The following ATP2B2 variants were observed in gnomAD, a reference collection of about 807,000 sequenced individuals.
The protein encoded by ATP2B2 is ATPase plasma membrane Ca2+ transporting 2.
Under a neutral mutation model 120.0 loss-of-function variants are expected in ATP2B2, and 15 were observed. The observed-to-expected ratio is 0.12, with a 90% CI of 0.08 to 0.19. ATP2B2 has a LOEUF of 0.19. Ranked by LOEUF, ATP2B2 falls within the 10% of genes least tolerant of loss-of-function variation. The pLI, the probability that ATP2B2 is intolerant of heterozygous loss-of-function variation, is 1.00. For synonymous variants in ATP2B2, 694 were observed against 700.3 expected, an observed-to-expected ratio of 0.99 and a Z score of 0.14; for missense variants, 1,045 against 1,719.8, an observed-to-expected ratio of 0.61 and a Z score of 6.94.
intron 2 of ATP2B2, among the ~76,000 whole-genome samples, chr3:10,550,525 A>C (rs1018668947): frequency 6.6e-6 from 1 of 152,182 alleles, no homozygotes; most frequent in Non-Finnish European, 1.5e-5. Flanking sequence ...TTTTTTAAAA[A>C]GGTCTAGTGC....
chr3:10,372,243 C>T (rs2061265830), intron 11 of ATP2B2, among the ~76,000 whole-genome samples, 192 bp from the exon 12 acceptor site: 1 of 152,144 alleles, frequency 6.6e-6, no homozygotes, highest in Admixed American at 6.5e-5. Context: ...CTGCGCGTGG[C>T]CCTTTCCTTT....
chr3:10,381,033 T>C (rs73131235), intron 8 of ATP2B2, among the ~76,000 whole-genome samples: 1,732 of 152,324 alleles, frequency 0.011, 37 homozygotes, highest in African/African-American at 0.039. Flanking sequence ...TTTAGGAGCA[T>C]CCTCGGAATA....
chr3:10,550,470 G>GT (rs906338807), intron 2 of ATP2B2, among the ~76,000 whole-genome samples: 10 of 151,528 alleles, frequency 6.6e-5, no homozygotes, highest in South Asian at 2.1e-4. Context: ...TTATAGACCA[G>GT]TTTTTTTTAC....
chr3:10,487,676 G>A (rs1474958767), intron 1 of ATP2B2, among the ~76,000 whole-genome samples: 1 of 152,216 alleles, frequency 6.6e-6, no homozygotes, highest in Non-Finnish European at 1.5e-5. Flanking sequence ...ATAAATGAAT[G>A]AGGATGAGGG....
intron 1 of ATP2B2, among the ~76,000 whole-genome samples, chr3:10,689,698 A>G (rs757868355): frequency 3.3e-5 from 5 of 152,206 alleles, no homozygotes; most frequent in African/African-American, 4.8e-5. Context: ...GAACCCTGTC[A>G]TGGACCAGCA....
At chr3:10,413,905 C>T (rs773790733) in intron 2 of ATP2B2, among the ~76,000 whole-genome samples, 2 of 152,166 alleles carry the variant, frequency 1.3e-5, no homozygotes, top group Admixed American at 6.5e-5. Flanking sequence ...GGGCCGTGGG[C>T]CTCTGAGGGA....
intron 1 of ATP2B2, among the ~76,000 whole-genome samples, chr3:10,486,702 G>A (rs973461321): frequency 6.6e-6 from 1 of 152,152 alleles, no homozygotes; most frequent in African/African-American, 2.4e-5. Flanking sequence ...CACCCCAGCT[G>A]GAATTATTGT....
chr3:10,644,417 C>T (rs2070258887), intron 1 of ATP2B2, among the ~76,000 whole-genome samples: 1 of 152,072 alleles, frequency 6.6e-6, no homozygotes, highest in Admixed American at 6.5e-5. Context: ...AGGTATATGC[C>T]AGAAAGAATT....
intron 5 of ATP2B2, among the ~76,000 whole-genome samples, chr3:10,397,062 G>A (rs980398464): frequency 2.6e-5 from 4 of 152,222 alleles, no homozygotes; most frequent in Admixed American, 2.0e-4. Flanking sequence ...TGGGCTCAGA[G>A]AAGTGAAGCC....
Position 10,585,493 on chromosome 3 carries a change from G to GAAAAAAAAAAAAAA in ATP2B2, c.-415+34410_-415+34423dup, listed in dbSNP as rs60670471. ...TGGGCGACAGAGCGAGACTCCGTCT[G>GAAAAAAAAAAAAAA]AAAAAAAAAAAAAAAAAAAAAAAAG... On this transcript the variant is annotated intron_variant, in intron 2 of 21. Transcript: ENST00000646379. Among the ~76,000 whole-genome samples, 34 of 28,510 alleles carry GAAAAAAAAAAAAAA rather than the reference G, an allele frequency of 1.2e-3. 8 individuals are homozygous for GAAAAAAAAAAAAAA. The East Asian group carries it at 0.039, about 33-fold the overall frequency. The allele number at this position is 28,510 out of a possible 152,430, so 18.7% of individuals were successfully genotyped here.
At chr3:10,633,191 A>G (rs1466522786) in intron 1 of ATP2B2, among the ~76,000 whole-genome samples, 2 of 152,234 alleles carry the variant, frequency 1.3e-5, no homozygotes, top group Non-Finnish European at 2.9e-5. Flanking sequence ...CCCTTCATCA[A>G]GAAAATGAGA....
At position 10,342,882 on chromosome 3, in the gene ATP2B2, C is replaced by T. The variant is rs200269971; in HGVS notation, c.2787G>A (p.Pro929=). 23 of 1,614,104 alleles carry T rather than the reference C, an allele frequency of 1.4e-5. No homozygotes were observed. The African/African-American group carries it at 1.6e-4, about 11-fold the overall frequency. Residue 929 remains proline, a synonymous_variant, in exon 19 of 23, where the codon CCG becomes CCA. Coordinates refer to ENST00000360273, the MANE Select transcript of ATP2B2 (RefSeq NM_001001331.4). This position sits in a 1 kb window ranked among gnomAD's most constrained non-coding sequence, Gnocchi z 4.4. ...TCCTCAGCAGCAGGGTCTCCGTGGGCGGCTCAGTGGCCAGTGCCAGCGAGG... is the reference window on the plus strand; with the variant it reads ...TCCTCAGCAGCAGGGTCTCCGTGGGTGGCTCAGTGGCCAGTGCCAGCGAGG... ...TFASLALATE[P]PTETLLLRKP...
intron 22 of ATP2B2, among the ~76,000 whole-genome samples, chr3:10,335,559 C>A (rs2060093068): frequency 6.6e-6 from 1 of 152,140 alleles, no homozygotes; most frequent in African/African-American, 2.4e-5. Flanking sequence ...ACTGTGGGTG[C>A]CCCCTGACCA....
rs1194150024 is a variant in ATP2B2, at chr3:10,358,820, G to C, written c.2007C>G (p.Leu669=). 2.5e-6 allele frequency: 4 copies of C among 1,614,108 alleles called. No homozygotes were observed. Among genetic ancestry groups the C allele is most frequent in the African/African-American group, 1.3e-5 (1 of 74,940 alleles). ...CGCGGTAGGCCACGCAGATAGTGCGGAGCCCATCGCAAGCCATGGGCTCAA... is the reference window on the plus strand; with the variant it reads ...CGCGGTAGGCCACGCAGATAGTGCGCAGCCCATCGCAAGCCATGGGCTCAA... ...KVIEPMACDG[L]RTICVAYRDF... Residue 669 remains leucine (L), a synonymous_variant, in exon 14 of 23, where the codon CTC becomes CTG. Transcript: ENST00000360273.
chr3:10,540,694 G>A (rs1488834768), intron 2 of ATP2B2, among the ~76,000 whole-genome samples: 19 of 123,100 alleles, frequency 1.5e-4, no homozygotes, highest in Non-Finnish European at 2.6e-4. Context: ...ACAGGGTGGA[G>A]AACATCACAC....
chr3:10,666,250 G>A (rs1042364399), intron 1 of ATP2B2, among the ~76,000 whole-genome samples: 1 of 152,164 alleles, frequency 6.6e-6, no homozygotes, highest in Non-Finnish European at 1.5e-5. Context: ...TAAAAGCAGA[G>A]ACTTGGCCAC....
intron 1 of ATP2B2, among the ~76,000 whole-genome samples, chr3:10,623,229 AT>A (rs1431476369): frequency 6.6e-6 from 1 of 151,892 alleles, no homozygotes; most frequent in East Asian, 1.9e-4. Context: ...CACCCAGCTA[AT>A]TTTTTAAAAA....
Position 10,327,944 on chromosome 3 carries a change from T to TA in ATP2B2, c.*869dup, listed in dbSNP as rs2125315776. The TA allele has an allele frequency of 6.5e-6, 1 of 152,766 alleles. No homozygotes were observed. Among genetic ancestry groups the TA allele is most frequent in the South Asian group, 2.1e-4 (1 of 4,828 alleles). 9.5% of individuals were successfully genotyped at this position (152,766 alleles called of 1,614,324 possible). A position where few individuals can be genotyped will look rare whatever the true frequency, so the allele number is the denominator to read the frequency against. Reference sequence around the variant, plus strand: ...AGTGTCTGTTGGGCCGAGCTGTTTTTATAGCATCTCAGCCACCAGTGTTCT... The same window carrying TA: ...AGTGTCTGTTGGGCCGAGCTGTTTTTAATAGCATCTCAGCCACCAGTGTTCT... On this transcript the variant is annotated 3_prime_UTR_variant, in exon 23 of 23. Transcript: ENST00000360273.
chr3:10,506,592 C>T (rs964657919), upstream of ATP2B2, among the ~76,000 whole-genome samples: 6 of 152,162 alleles, frequency 3.9e-5, no homozygotes, highest in Admixed American at 2.0e-4. Context: ...TCACCGGGGG[C>T]GAGGGGCTTC....
Sources: gnomAD v4.1 joint callset for allele counts (sites outside exome capture counted in the v4.1 genomes callset) on GRCh38, gnomAD v4.1.1 for gene constraint, Gnocchi (gnomAD v3.1) non-coding constraint, MANE v1.5 for transcripts, NCBI Gene and HGNC (gene_info 2026-07-23, HGNC 2026-07-21) for gene names.